CDH3: variants seen among roughly 807,000 people sequenced by gnomAD.
CDH3 encodes the protein cadherin-3.
Under a neutral mutation model 82.0 loss-of-function variants are expected in CDH3, and 54 were observed. That is an observed-to-expected ratio of 0.66 (90% CI 0.53 to 0.83). The LOEUF (loss-of-function observed/expected upper bound fraction) is 0.83, where lower values mean the gene tolerates loss of function less well. Among genes scored for constraint, CDH3 ranks in the 40% least tolerant of loss-of-function variants. The probability of loss-of-function intolerance (pLI) is 0.00; values close to 1 mark genes in which losing one functional copy is unlikely to be tolerated. For synonymous variants in CDH3, 446 were observed against 437.9 expected (o/e 1.02, Z -0.23); for missense variants, 1,054 against 1,084.6 (o/e 0.97, Z 0.40).
intron 1 of CDH3, chr16:68,722,327 A>G (rs1962173855): frequency 6.6e-6 from 1 of 152,194 alleles, no homozygotes; most frequent in Non-Finnish European, 1.5e-5. Context: ...TGTGGCCTGA[A>G]AAGTTGGACA....
At chr16:68,717,306 C>T (rs1192242862) in intron 1 of CDH3, among the ~76,000 whole-genome samples, 1 of 152,128 alleles carries the variant, frequency 6.6e-6, no homozygotes, top group Non-Finnish European at 1.5e-5. Context: ...AAAAGACTGG[C>T]AACATACCAA....
chr16:68,651,621 A>G (rs556128328), intron 2 of CDH3: 2 of 507,384 alleles, frequency 3.9e-6, no homozygotes, highest in South Asian at 1.6e-5. Context: ...CCCACTCTCA[A>G]ACAGGTTACT....
chr16:68,708,337 A>C (rs1961989085), intron 1 of CDH3, among the ~76,000 whole-genome samples: 2 of 152,096 alleles, frequency 1.3e-5, no homozygotes, highest in Non-Finnish European at 2.9e-5. Flanking sequence ...AAAAAAAAAA[A>C]AAGATAATTA....
intron 2 of CDH3, among the ~76,000 whole-genome samples, chr16:68,666,278 G>A (rs989552165): frequency 1.4e-4 from 21 of 152,106 alleles, no homozygotes; most frequent in Admixed American, 5.9e-4. Context: ...GGTGCCATCC[G>A]CCAGGTGTAA....
At chr16:68,661,567 T>C (rs1353503373) in intron 2 of CDH3, among the ~76,000 whole-genome samples, 3 of 152,238 alleles carry the variant, frequency 2.0e-5, no homozygotes, top group African/African-American at 7.2e-5. Context: ...GTCATGTGAC[T>C]TTCATAGTTC....
intron 1 of CDH3, among the ~76,000 whole-genome samples, chr16:68,719,059 A>G (rs1962128404): frequency 6.6e-6 from 1 of 152,082 alleles, no homozygotes; most frequent in East Asian, 1.9e-4. Context: ...CCTAGCCAAC[A>G]TGGTGAAACC....
intron 13 of CDH3, among the ~76,000 whole-genome samples, chr16:68,693,171 A>C (rs1961620962): frequency 6.6e-6 from 1 of 152,208 alleles, no homozygotes; most frequent in South Asian, 2.1e-4. Context: ...GGGTACCATC[A>C]TGTCAGGCCT....
the CDH3 span, among the ~76,000 whole-genome samples, chr16:68,733,426 C>A: frequency 1.3e-5 from 2 of 152,060 alleles, no homozygotes; most frequent in Non-Finnish European, 2.9e-5. Context: ...ACCAGGCCTG[C>A]TTAGGTATCC....
At chr16:68,685,997 C>G (rs918443834) in intron 11 of CDH3, among the ~76,000 whole-genome samples, 2 of 152,070 alleles carry the variant, frequency 1.3e-5, no homozygotes, top group African/African-American at 4.8e-5. Flanking sequence ...GAGACCCTGT[C>G]TCTACAAAAA....
intron 13 of CDH3, among the ~76,000 whole-genome samples, chr16:68,692,284 G>A (rs3114406): frequency 0.85 from 128,552 of 152,056 alleles, 54,543 homozygotes; most frequent in Non-Finnish European, 0.88. Flanking sequence ...CAGTCCACCT[G>A]CCTTGGCCTC....
downstream of CDH3, among the ~76,000 whole-genome samples, chr16:68,701,403 G>C (rs1264719943): frequency 6.6e-6 from 1 of 152,200 alleles, no homozygotes; most frequent in Non-Finnish European, 1.5e-5. Context: ...TAAGACACCA[G>C]CGCTAACCAC....
In CDH3 at chr16:68,646,615, G is replaced by A. The variant is rs184874294; in HGVS notation, c.160+865G>A. On this transcript the variant is annotated intron_variant, in intron 2 of 15. Coordinates refer to ENST00000264012, the MANE Select transcript of CDH3 (RefSeq NM_001793.6). ...GGCGGTTGGTTGCTGGCTAGTGGAG[G>A]GCTTTCTCCCTCTAGGTTAAGAGGA... Among the ~76,000 whole-genome samples, 147 of 152,236 alleles carry A rather than the reference G, an allele frequency of 9.7e-4. 1 individual carries two copies. The highest frequency in any genetic ancestry group is 1.2e-3 in the Non-Finnish European group (82 of 68,008).
chr16:68,676,372 C>T lies in CDH3; in HGVS notation c.161-13C>T, dbSNP rs1961033700. The T allele has an allele frequency of 1.9e-6, 3 of 1,601,320 alleles. No homozygotes were observed. The highest frequency in any genetic ancestry group is 1.7e-6 in the Non-Finnish European group (2 of 1,168,372). The stretch of plus-strand genomic sequence containing the variant: ...CCTGCCTTCCTAATGCTCTCTCTTC[C>T]CCTTCCCCACAGTATTCATGGGCTG... On this transcript the variant is annotated splice_polypyrimidine_tract_variant and intron_variant, in intron 2 of 15. Coordinates refer to ENST00000264012, the MANE Select transcript of CDH3 (RefSeq NM_001793.6).
rs561193756 is a variant in CDH3 at position 68,687,645 on chromosome 16, G to A, written c.1704G>A (p.Thr568=). 1.3e-4 allele frequency: 207 copies of A among 1,614,034 alleles called. 2 individuals carry two copies. The South Asian group carries it at 1.8e-3, about 14-fold the overall frequency. Residue 568 remains threonine (T), a synonymous_variant, in exon 12 of 16, where the codon ACG becomes ACA. Coordinates refer to ENST00000264012, the MANE Select transcript of CDH3 (RefSeq NM_001793.6). The part of the protein sequence containing the change: ...QSPVRQVLNI[T]DKDLSPHTSP... ...CTGTGCGCCAGGTGCTGAACATCAC[G>A]GACAAGGACCTGTCTCCCCACACCT...
chr16:68,726,328 T>C (rs934236429), intron 2 of CDH3, among the ~76,000 whole-genome samples: 1 of 152,106 alleles, frequency 6.6e-6, no homozygotes, highest in African/African-American at 2.4e-5. Flanking sequence ...TCATGGGAGC[T>C]CTTGCTGGGC....
downstream of CDH3, among the ~76,000 whole-genome samples, chr16:68,728,624 G>C (rs758363086): frequency 1.3e-5 from 2 of 152,144 alleles, no homozygotes; most frequent in Non-Finnish European, 2.9e-5. Flanking sequence ...GGCAGGGACC[G>C]TATTTTGTTT....
chr16:68,656,223 G>A (rs1960406510), intron 2 of CDH3, among the ~76,000 whole-genome samples: 1 of 152,086 alleles, frequency 6.6e-6, no homozygotes, highest in Non-Finnish European at 1.5e-5. Flanking sequence ...GGAGACAATG[G>A]CTGAAGTCCC....
intron 3 of CDH3, among the ~76,000 whole-genome samples, chr16:68,677,424 T>C (rs1961062350): frequency 6.6e-6 from 1 of 152,248 alleles, no homozygotes; most frequent in African/African-American, 2.4e-5. Flanking sequence ...TATACCTTAA[T>C]CTTTCCATTT....
intron 12 of CDH3, 24 bp from the exon 13 acceptor site, chr16:68,691,696 T>TA (rs781526400): frequency 6.3e-7 from 1 of 1,588,944 alleles, no homozygotes; most frequent in East Asian, 2.2e-5. Context: ...TTCCCACAGC[T>TA]AATCAATGAT....
Sources: gnomAD v4.1 joint callset for allele counts (sites outside exome capture counted in the v4.1 genomes callset) on GRCh38, gnomAD v4.1.1 for gene constraint, MANE v1.5 for transcripts, NCBI Gene and HGNC (gene_info 2026-07-23, HGNC 2026-07-21) for gene names.